Variants in ADGRG5 observed in about 807,000 individuals in gnomAD.
ADGRG5 encodes the protein G protein-coupled receptor 114.
A neutral mutation model predicts 53.2 loss-of-function variants in ADGRG5; 37 were observed. The ratio of observed to expected loss-of-function variants is 0.70; its 90% CI spans 0.53 to 0.91. The LOEUF (loss-of-function observed/expected upper bound fraction) is 0.91. Among genes scored for constraint, ADGRG5 ranks in the 40% least tolerant of loss-of-function variants. The pLI is 0.00. For synonymous variants in ADGRG5, 277 were observed against 290.4 expected (o/e 0.95, Z 0.47); for missense variants, 614 against 675.8 (o/e 0.91, Z 1.01).
chr16:57,573,428 CAAAAAAAAA>C (rs35195501), intron 10 of ADGRG5, among the ~76,000 whole-genome samples: 2 of 76,606 alleles, frequency 2.6e-5, no homozygotes, highest in Non-Finnish European at 5.6e-5. Context: ...GACTCCCTCT[CAAAAAAAAA>C]AAAAAAAAAA....
rs138227846 is a variant in ADGRG5, at chr16:57,567,517, G to C, written c.747G>C (p.Thr249=). Residue 249 remains threonine, a synonymous_variant, in exon 8 of 12, where the codon ACG becomes ACC. Transcript: ENST00000349457. ...LVPAELLAPL[T]YISLVGCSIS... ...CTGCAGAGTTGCTGGCACCTCTTAC[G>C]TACATCTCCCTCGTGGGCTGCAGCA... 6.2e-7 allele frequency: 1 copy of C among 1,611,516 alleles called. No individual in the cohort carries two copies. Among genetic ancestry groups the C allele is most frequent in the African/African-American group, 1.3e-5 (1 of 75,006 alleles).
At chr16:57,568,274 T>G (rs1385954426) in intron 9 of ADGRG5, 150 bp downstream of exon 9, 2 of 727,864 alleles carry the variant, frequency 2.7e-6, no homozygotes, top group African/African-American at 3.5e-5. Flanking sequence ...ACCTCTACTT[T>G]CTATGTTACT....
intron 1 of ADGRG5, among the ~76,000 whole-genome samples, chr16:57,547,133 T>A (rs2032637659): frequency 6.6e-6 from 1 of 152,232 alleles, no homozygotes; most frequent in Non-Finnish European, 1.5e-5. Flanking sequence ...TCCATATTGA[T>A]AGTCATTTGG....
At chr16:57,572,030 C>T (rs2033375923) in intron 10 of ADGRG5, among the ~76,000 whole-genome samples, 1 of 152,060 alleles carries the variant, frequency 6.6e-6, no homozygotes, top group Non-Finnish European at 1.5e-5. Context: ...TTAGAGAACA[C>T]CCACCTACGA....
chr16:57,540,875 C>T (rs1415133984), upstream of ADGRG5, among the ~76,000 whole-genome samples: 2 of 152,124 alleles, frequency 1.3e-5, no homozygotes, highest in South Asian at 4.1e-4. Context: ...ACTGCAACCT[C>T]CACCTCCCGG....
chr16:57,570,605 A>G (rs953888586), intron 10 of ADGRG5, 70 bp downstream of exon 10: 11 of 1,116,680 alleles, frequency 9.9e-6, no homozygotes, highest in Non-Finnish European at 1.4e-5. Flanking sequence ...TGGGGCTCCA[A>G]ATGGAATATC....
upstream of ADGRG5, among the ~76,000 whole-genome samples, chr16:57,537,699 TTTCTCTGTGGGCAGCG>T (rs1419994705): frequency 3.3e-5 from 5 of 152,190 alleles, no homozygotes; most frequent in Admixed American, 2.6e-4. Flanking sequence ...AGACGTTCCC[TTTCTCTGTGGGCAGCG>T]GCTGTTCCAT....
chr16:57,567,794 C>G (rs2033178121), intron 8 of ADGRG5, 62 bp from the exon 9 acceptor site: 1 of 1,549,218 alleles, frequency 6.5e-7, no homozygotes, highest in Non-Finnish European at 8.7e-7. Flanking sequence ...CCTATGCACC[C>G]AGTGGGTAGT....
At chr16:57,530,229 T>G in the ADGRG5 span, among the ~76,000 whole-genome samples, 1 of 152,084 alleles carries the variant, frequency 6.6e-6, no homozygotes, top group Non-Finnish European at 1.5e-5. Context: ...GTTCTCTGTG[T>G]CTCACTTCAG....
intron 1 of ADGRG5, among the ~76,000 whole-genome samples, chr16:57,554,429 T>C (rs964235674): frequency 2.6e-5 from 4 of 151,872 alleles, no homozygotes; most frequent in Non-Finnish European, 5.9e-5. Context: ...CAGGTTGGAG[T>C]GCAGTGGCGC....
chr16:57,573,802 A>G (rs982379214), intron 10 of ADGRG5, among the ~76,000 whole-genome samples: 12 of 151,936 alleles, frequency 7.9e-5, no homozygotes, highest in Non-Finnish European at 1.6e-4. Flanking sequence ...GCTCACTGCA[A>G]CCTCTGCCTC....
rs1286804208 is a variant in ADGRG5, at chr16:57,562,073, G to T, written c.-21G>T. 2 of 1,527,042 alleles carry T rather than the reference G, an allele frequency of 1.3e-6. No homozygotes were observed. The allele number at this position is 1,527,042 out of a possible 1,614,324, so 94.6% of individuals were successfully genotyped here. On this transcript the variant is annotated 5_prime_UTR_variant, in exon 2 of 12. Coordinates refer to ENST00000349457, the MANE Select transcript of ADGRG5 (RefSeq NM_001304376.3). The stretch of plus-strand genomic sequence containing the variant: ...TTTTTCAGGGCCGGAGCCAGTTCTT[G>T]GAGGAGACTCTGCACAGGGCATGGA...
At position 57,562,425 on chromosome 16, in the gene ADGRG5, G is replaced by C. The variant is rs754510492; in HGVS notation, c.106G>C (p.Val36Leu). ...CCTGAGCTACATGGAGAATATGCAG[G>C]TGTCCAGGGGCCGGAGCTCAGTTTT... is the stretch of plus-strand genomic sequence containing the variant. ...ELLSYMENMQ[V>L]SRGRSSVFSS... Residue 36 changes from valine (V) to leucine (L), a missense_variant, in exon 3 of 12, where the codon GTG becomes CTG. Val to Leu is a conservative substitution (Grantham distance 32). Coordinates refer to ENST00000349457, the MANE Select transcript of ADGRG5 (RefSeq NM_001304376.3). The C allele has an allele frequency of 1.2e-6, 2 of 1,607,832 alleles. No homozygotes were observed. The highest frequency in any genetic ancestry group is 1.7e-4 in the Middle Eastern group (1 of 6,050).
chr16:57,556,911 T>C (rs866054407), intron 1 of ADGRG5, among the ~76,000 whole-genome samples: 10 of 144,426 alleles, frequency 6.9e-5, no homozygotes, highest in Non-Finnish European at 1.4e-4. Flanking sequence ...CCTTCTTCTT[T>C]TTTTTTTTTT....
chr16:57,532,752 C>T, the ADGRG5 span, among the ~76,000 whole-genome samples: 1 of 152,068 alleles, frequency 6.6e-6, no homozygotes, highest in Non-Finnish European at 1.5e-5. Context: ...GACACACACA[C>T]TCCTCCTTTT....
At chr16:57,553,874 C>T (rs901584811) in intron 1 of ADGRG5, among the ~76,000 whole-genome samples, 1 of 152,138 alleles carries the variant, frequency 6.6e-6, no homozygotes, top group African/African-American at 2.4e-5. Flanking sequence ...TAAAGGAATA[C>T]ATTTAGGATT....
At chr16:57,562,681 G>C (rs554490103) in intron 3 of ADGRG5, 1 of 573,178 alleles carries the variant, frequency 1.7e-6, no homozygotes. Flanking sequence ...ATGACACTAA[G>C]TGCAGAATTA....
intron 1 of ADGRG5, among the ~76,000 whole-genome samples, chr16:57,553,001 C>T (rs1314309998): frequency 6.6e-6 from 1 of 152,176 alleles, no homozygotes; most frequent in Non-Finnish European, 1.5e-5. Flanking sequence ...AGTCAAAACA[C>T]ATACATTTAT....
At chr16:57,540,460 A>T (rs184654653), upstream of ADGRG5, among the ~76,000 whole-genome samples, 2 of 152,118 alleles carry the variant, frequency 1.3e-5, no homozygotes, top group African/African-American at 2.4e-5. Context: ...CTGAGATGGT[A>T]TGTGGCCTCC....
Sources: allele counts gnomAD v4.1 joint callset (sites outside exome capture counted in the v4.1 genomes callset), GRCh38; gene constraint gnomAD v4.1.1; transcripts MANE v1.5; gene names NCBI Gene and HGNC (gene_info 2026-07-23, HGNC 2026-07-21).